The following MAPKAP1 variants were observed in gnomAD, a reference collection of about 807,000 sequenced individuals.
The protein encoded by MAPKAP1 is MAPK associated protein 1.
MAPKAP1 carries 20 observed loss-of-function variants against 65.7 expected under a neutral mutation model. The observed-to-expected ratio is 0.30, with a 90% CI of 0.21 to 0.44. The LOEUF (loss-of-function observed/expected upper bound fraction) is 0.44. Among genes scored for constraint, MAPKAP1 ranks in the 20% least tolerant of loss-of-function variants. MAPKAP1 has a pLI of 1.00. For synonymous variants in MAPKAP1, 222 were observed against 244.3 expected (o/e 0.91, Z 0.85); for missense variants, 423 against 648.0 (o/e 0.65, Z 3.77).
intron 1 of MAPKAP1, among the ~76,000 whole-genome samples, chr9:125,697,483 T>C (rs1177957411): frequency 6.6e-6 from 1 of 152,230 alleles, no homozygotes; most frequent in East Asian, 1.9e-4. Context: ...CATATCCTTT[T>C]TTCACTTATT....
At chr9:125,475,005 A>G (rs1001204102) in intron 9 of MAPKAP1, among the ~76,000 whole-genome samples, 3 of 152,214 alleles carry the variant, frequency 2.0e-5, no homozygotes, top group Non-Finnish European at 4.4e-5. Context: ...GCATCCACAG[A>G]GCAGTCAGGG....
chr9:125,682,263 G>T (rs944743700), intron 1 of MAPKAP1, among the ~76,000 whole-genome samples: 2 of 152,060 alleles, frequency 1.3e-5, no homozygotes, highest in African/African-American at 2.4e-5. Flanking sequence ...ATTTTGTACA[G>T]ATAAAATGGC....
At chr9:125,621,705 A>G (rs1033935545) in intron 4 of MAPKAP1, among the ~76,000 whole-genome samples, 3 of 152,240 alleles carry the variant, frequency 2.0e-5, no homozygotes, top group Non-Finnish European at 4.4e-5. Flanking sequence ...TGCTTTAGAT[A>G]TGCAATATCC....
At chr9:125,607,980 G>T (rs1210317559) in intron 4 of MAPKAP1, among the ~76,000 whole-genome samples, 1 of 152,150 alleles carries the variant, frequency 6.6e-6, no homozygotes, top group Non-Finnish European at 1.5e-5. Context: ...ATCAACTTGT[G>T]GGCTTCCGAA....
chr9:125,467,195 T>C (rs1162299058), intron 10 of MAPKAP1, among the ~76,000 whole-genome samples: 1 of 152,230 alleles, frequency 6.6e-6, no homozygotes, highest in Admixed American at 6.5e-5. Context: ...TAGCAGTCTC[T>C]AGGCAACTAA....
chr9:125,513,919 C>T (rs1479693843), intron 7 of MAPKAP1, among the ~76,000 whole-genome samples: 1 of 152,202 alleles, frequency 6.6e-6, no homozygotes. Flanking sequence ...GAGACTTGCT[C>T]AGCAGCCAGG....
chr9:125,560,835 T>C (rs1252619369), intron 5 of MAPKAP1, among the ~76,000 whole-genome samples: 1 of 152,204 alleles, frequency 6.6e-6, no homozygotes, highest in Non-Finnish European at 1.5e-5. Flanking sequence ...GTCCAGACAG[T>C]ACTCCCAGAT....
At chr9:125,543,551 C>T (rs1830322919) in intron 6 of MAPKAP1, among the ~76,000 whole-genome samples, 3 of 152,048 alleles carry the variant, frequency 2.0e-5, no homozygotes, top group Non-Finnish European at 2.9e-5. Flanking sequence ...GCTGGGATTA[C>T]AGGCATGAGC....
At chr9:125,697,578 CATG>C (rs1469138463) in intron 1 of MAPKAP1, among the ~76,000 whole-genome samples, 1 of 152,052 alleles carries the variant, frequency 6.6e-6, no homozygotes, top group Non-Finnish European at 1.5e-5. Context: ...ATGAATTTTC[CATG>C]ATTTCTCTAA....
intron 1 of MAPKAP1, among the ~76,000 whole-genome samples, chr9:125,699,235 G>A: frequency 6.6e-6 from 1 of 151,918 alleles, no homozygotes; most frequent in East Asian, 1.9e-4. Flanking sequence ...TTGAGGCAGG[G>A]TCTCCCTCTG....
intron 8 of MAPKAP1, among the ~76,000 whole-genome samples, chr9:125,498,697 C>T (rs1020327144): frequency 2.0e-4 from 31 of 152,196 alleles, no homozygotes; most frequent in Non-Finnish European, 3.2e-4. Context: ...AAACAGACTT[C>T]TCAAACAAAT....
chr9:125,698,293 AT>A (rs1175420873), intron 1 of MAPKAP1, among the ~76,000 whole-genome samples: 12 of 3,842 alleles, frequency 3.1e-3, no homozygotes, highest in South Asian at 0.019. Context: ...ATATAAATAT[AT>A]ATATATATAT....
At chr9:125,569,406 C>T (rs1022956142) in intron 5 of MAPKAP1, among the ~76,000 whole-genome samples, 1 of 152,120 alleles carries the variant, frequency 6.6e-6, no homozygotes, top group African/African-American at 2.4e-5. Flanking sequence ...GGTTCAATTC[C>T]CCACCTAGGA....
At chr9:125,677,725 C>A (rs1303612996) in intron 1 of MAPKAP1, among the ~76,000 whole-genome samples, 1 of 151,914 alleles carries the variant, frequency 6.6e-6, no homozygotes. Context: ...ATAAGATAGA[C>A]CTTTTTACAT....
In MAPKAP1 at chr9:125,595,630, G is replaced by A. The variant is rs767434931; in HGVS notation, c.499-9903C>T. 7.0e-6 allele frequency: 10 copies of A among 1,434,096 alleles called. No individual in the cohort carries two copies. The highest frequency in any genetic ancestry group is 5.6e-5 in the South Asian group (4 of 71,190). The allele number at this position is 1,434,096 out of a possible 1,614,324, so 88.8% of individuals were successfully genotyped here. A position where few individuals can be genotyped will look rare whatever the true frequency, so the allele number is the denominator to read the frequency against. ...CTTACTCCTTTCTGCCTGTGGACAC[G>A]CCAAGGAAGCATCGTTAAAGTCTCT... On this transcript the variant is annotated intron_variant, in intron 4 of 11. Transcript: ENST00000265960. The surrounding 1 kb of genome is among the most constrained non-coding windows in gnomAD (Gnocchi z 4.0).
chr9:125,481,923 G>A (rs908235194), intron 9 of MAPKAP1, among the ~76,000 whole-genome samples: 8 of 151,386 alleles, frequency 5.3e-5, no homozygotes, highest in Non-Finnish European at 1.2e-4. Context: ...TTGAGGTCAG[G>A]AGTTTGAGAC....
chr9:125,556,832 T>TG (rs1488125902), intron 6 of MAPKAP1, among the ~76,000 whole-genome samples: 1 of 152,094 alleles, frequency 6.6e-6, no homozygotes, highest in Non-Finnish European at 1.5e-5. Context: ...GAAAGGCGAG[T>TG]AAGAGGTTGC....
rs1416761343 is a variant in MAPKAP1, at chr9:125,593,694, C to T, written c.499-7967G>A. Among the ~76,000 whole-genome samples the T allele has an allele frequency of 2.0e-5, 3 of 152,246 alleles. No homozygotes were observed. In the East Asian group the frequency reaches 5.8e-4, roughly 29 times the overall value. Reference sequence around the variant, plus strand: ...AAGAAAAAAAAAGGTAATAAATTCACAATCAGCTGACAATTTGAAGTTGAA... The same window carrying T: ...AAGAAAAAAAAAGGTAATAAATTCATAATCAGCTGACAATTTGAAGTTGAA... On this transcript the variant is annotated intron_variant, in intron 4 of 11. Coordinates refer to ENST00000265960, the MANE Select transcript of MAPKAP1 (RefSeq NM_001006617.3).
At position 125,700,852 on chromosome 9, in the gene MAPKAP1, TG is replaced by T. The variant is rs1361415517; in HGVS notation, c.-70+6118del. Reference sequence around the variant, plus strand: ...ATAAAAATAAATTAAACTCTTGGGCTGGGAACTCCCTGACCATATTTCTCTC... The same window carrying T: ...ATAAAAATAAATTAAACTCTTGGGCTGGAACTCCCTGACCATATTTCTCTC... On this transcript the variant is annotated intron_variant, in intron 1 of 11. Transcript: ENST00000265960. Among the ~76,000 whole-genome samples the T allele has an allele frequency of 9.2e-5, 14 of 152,242 alleles. No individual in the cohort carries two copies. In the East Asian group the frequency reaches 2.7e-3, roughly 29 times the overall value.
Sources: gnomAD v4.1 joint callset for allele counts (sites outside exome capture counted in the v4.1 genomes callset) on GRCh38, gnomAD v4.1.1 for gene constraint, Gnocchi (gnomAD v3.1) non-coding constraint, MANE v1.5 for transcripts, NCBI Gene and HGNC (gene_info 2026-07-23, HGNC 2026-07-21) for gene names.